KDM4C: variants seen among roughly 807,000 people sequenced by gnomAD.
KDM4C encodes lysine-specific demethylase 4C.
A neutral mutation model predicts 129.3 loss-of-function variants in KDM4C; 81 were observed. The ratio of observed to expected loss-of-function variants is 0.63; its 90% CI spans 0.52 to 0.75. KDM4C has a LOEUF of 0.75. KDM4C is among the 30% of genes least tolerant of loss of function. The pLI is 0.00. For synonymous variants in KDM4C, 573 were observed against 456.1 expected (o/e 1.26, Z -3.26); for missense variants, 1,457 against 1,304.0 (o/e 1.12, Z -1.81).
intron 15 of KDM4C, among the ~76,000 whole-genome samples, chr9:7,044,324 A>G (rs1829060671): frequency 6.6e-6 from 1 of 152,024 alleles, no homozygotes. Context: ...GTGTCTAAAC[A>G]CAGTGAGGCT....
intron 8 of KDM4C, among the ~76,000 whole-genome samples, chr9:6,906,749 T>A (rs1013292107): frequency 1.3e-5 from 2 of 152,220 alleles, no homozygotes; most frequent in African/African-American, 4.8e-5. Flanking sequence ...GCAGGTTTGG[T>A]TTTTAAAAAT....
At chr9:6,773,377 G>A (rs1280272144) in intron 1 of KDM4C, among the ~76,000 whole-genome samples, 1 of 152,138 alleles carries the variant, frequency 6.6e-6, no homozygotes, top group African/African-American at 2.4e-5. Flanking sequence ...TAATGCCAGT[G>A]TCATTGTTGA....
chr9:6,771,478 A>AT (rs1362924669), intron 1 of KDM4C, among the ~76,000 whole-genome samples: 3 of 150,446 alleles, frequency 2.0e-5, no homozygotes, highest in Non-Finnish European at 4.4e-5. Context: ...TGCCCTGCTA[A>AT]TTTTGTGTTT....
intron 12 of KDM4C, among the ~76,000 whole-genome samples, chr9:6,993,193 T>C (rs1819062637): frequency 6.6e-6 from 1 of 152,202 alleles, no homozygotes; most frequent in Non-Finnish European, 1.5e-5. Context: ...AAGAGGGGGC[T>C]ATGTAATAAA....
intron 1 of KDM4C, among the ~76,000 whole-genome samples, chr9:6,782,236 G>C (rs577364039): frequency 6.6e-6 from 1 of 152,194 alleles, no homozygotes; most frequent in Non-Finnish European, 1.5e-5. Flanking sequence ...TTGTCAGTTG[G>C]TGGGGAGTGT....
At chr9:7,156,765 A>G (rs1843216657) in intron 19 of KDM4C, among the ~76,000 whole-genome samples, 1 of 152,146 alleles carries the variant, frequency 6.6e-6, no homozygotes, top group Non-Finnish European at 1.5e-5. Flanking sequence ...GCCTTGTAGT[A>G]TAGTTTGAAG....
At chr9:7,161,431 A>C (rs1177198214) in intron 19 of KDM4C, among the ~76,000 whole-genome samples, 2 of 152,224 alleles carry the variant, frequency 1.3e-5, no homozygotes, top group African/African-American at 4.8e-5. Flanking sequence ...TGAGAGCTGC[A>C]GACGGGAGCT....
chr9:6,823,527 T>A (rs189531265), intron 4 of KDM4C, among the ~76,000 whole-genome samples: 46 of 152,346 alleles, frequency 3.0e-4, no homozygotes, highest in Admixed American at 2.6e-3. Context: ...CAACTTCTGC[T>A]ATCTCACACT....
intron 1 of KDM4C, among the ~76,000 whole-genome samples, chr9:6,783,225 C>G (rs774546884): frequency 3.3e-5 from 5 of 152,164 alleles, no homozygotes; most frequent in Non-Finnish European, 5.9e-5. Context: ...TGTACTTGTT[C>G]TTTCCTGCAC....
At chr9:6,748,566 A>C in intron 1 of KDM4C, 1 of 523,400 alleles carries the variant, frequency 1.9e-6, no homozygotes, top group Non-Finnish European at 3.4e-6. Context: ...TAATACAAAC[A>C]ATCCCACAGC....
chr9:6,990,344 C>A, intron 11 of KDM4C, 72 bp from the exon 12 acceptor site: 1 of 979,224 alleles, frequency 1.0e-6, no homozygotes, highest in Non-Finnish European at 1.6e-6. Context: ...TAATTGTGAA[C>A]TGTAGGGTTT....
At chr9:6,889,457 G>C (rs1257543956) in intron 7 of KDM4C, among the ~76,000 whole-genome samples, 1 of 152,038 alleles carries the variant, frequency 6.6e-6, no homozygotes, top group African/African-American at 2.4e-5. Flanking sequence ...TGTGCACCGT[G>C]GGGGCTGCCT....
chr9:6,983,304 T>A (rs947032026), intron 9 of KDM4C, among the ~76,000 whole-genome samples: 2 of 152,314 alleles, frequency 1.3e-5, no homozygotes, highest in South Asian at 2.1e-4. Context: ...TTGTAATTGT[T>A]CCTAATTGTT....
intron 17 of KDM4C, among the ~76,000 whole-genome samples, chr9:7,058,483 C>G (rs1831181083): frequency 1.3e-5 from 2 of 152,198 alleles, no homozygotes; most frequent in African/African-American, 4.8e-5. Context: ...AACCAACTCT[C>G]AAAATTCTTG....
chr9:7,077,855 A>T (rs529245102), intron 17 of KDM4C, among the ~76,000 whole-genome samples: 33 of 152,300 alleles, frequency 2.2e-4, no homozygotes, highest in African/African-American at 7.0e-4. Flanking sequence ...GGCATGTCTG[A>T]GCCATGGCAG....
At chr9:7,090,886 T>G (rs1835713351) in intron 17 of KDM4C, among the ~76,000 whole-genome samples, 1 of 152,240 alleles carries the variant, frequency 6.6e-6, no homozygotes, top group Non-Finnish European at 1.5e-5. Context: ...TTCTCATATG[T>G]GACTACTGAG....
At position 7,175,325 on chromosome 9, in the gene KDM4C, T is replaced by G. The variant is rs1845343781; in HGVS notation, c.*596T>G. 1 of 152,398 alleles carries G rather than the reference T, an allele frequency of 6.6e-6. No individual in the cohort carries two copies. Among genetic ancestry groups the G allele is most frequent in the African/African-American group, 2.4e-5 (1 of 41,430 alleles). 9.4% of individuals were successfully genotyped at this position (152,398 alleles called of 1,614,324 possible). A position where few individuals can be genotyped will look rare whatever the true frequency, so the allele number is the denominator to read the frequency against. On this transcript the variant is annotated 3_prime_UTR_variant, in exon 22 of 22. Transcript: ENST00000381309. ...TTTGAATATTCCTATTACTTTTGAT[T>G]GTGTCTGATGGGAACTGAGTTGTTG...
chr9:6,760,636 T>G (rs1322169883), intron 1 of KDM4C, among the ~76,000 whole-genome samples: 1 of 151,954 alleles, frequency 6.6e-6, no homozygotes, highest in Non-Finnish European at 1.5e-5. Flanking sequence ...AGTGGCACGA[T>G]CTCTGCTCAC....
intron 1 of KDM4C, chr9:6,723,499 C>G (rs1807414851): frequency 6.6e-6 from 1 of 152,392 alleles, no homozygotes; most frequent in African/African-American, 2.4e-5. Context: ...CTCTTCCTCT[C>G]TCTTACCCTG....
Sources: gnomAD v4.1 joint callset for allele counts (sites outside exome capture counted in the v4.1 genomes callset) on GRCh38, gnomAD v4.1.1 for gene constraint, MANE v1.5 for transcripts, NCBI Gene and HGNC (gene_info 2026-07-23, HGNC 2026-07-21) for gene names.